Variants in DIAPH3 observed in about 807,000 individuals in gnomAD.
The protein encoded by DIAPH3 is diaphanous related formin 3, also known as protein diaphanous homolog 3.
Under a neutral mutation model 144.3 loss-of-function variants are expected in DIAPH3, and 117 were observed. The observed-to-expected ratio is 0.81, with a 90% CI of 0.70 to 0.95. DIAPH3 has a LOEUF of 0.95. Among genes scored for constraint, DIAPH3 ranks in the 40% least tolerant of loss-of-function variants. The probability of loss-of-function intolerance (pLI) is 0.00; values close to 1 mark genes in which losing one functional copy is unlikely to be tolerated. For missense variants in DIAPH3, 1,421 were observed against 1,412.7 expected (o/e 1.01, Z -0.09); for synonymous variants, 519 against 488.9 (o/e 1.06, Z -0.81).
At chr13:59,942,860 G>A (rs997553165) in intron 17 of DIAPH3, among the ~76,000 whole-genome samples, 2 of 152,058 alleles carry the variant, frequency 1.3e-5, no homozygotes, top group Admixed American at 1.3e-4. Flanking sequence ...CATATGTCTA[G>A]ATCAACAACA....
At chr13:59,856,698 T>A (rs936851149) in intron 22 of DIAPH3, among the ~76,000 whole-genome samples, 2 of 152,188 alleles carry the variant, frequency 1.3e-5, no homozygotes, top group Non-Finnish European at 2.9e-5. Context: ...AGTTCTGACA[T>A]ACTGAGGTTT....
intron 14 of DIAPH3, among the ~76,000 whole-genome samples, chr13:59,980,188 T>C (rs970427283): frequency 2.6e-5 from 4 of 151,670 alleles, no homozygotes; most frequent in Non-Finnish European, 5.9e-5. Flanking sequence ...AAACTGGTTT[T>C]GTTTGTGTAA....
chr13:60,127,010 A>T (rs2059009871), intron 2 of DIAPH3, among the ~76,000 whole-genome samples: 1 of 152,066 alleles, frequency 6.6e-6, no homozygotes, highest in Admixed American at 6.5e-5. Context: ...TAAAGGTAAA[A>T]CAAACAAAAA....
chr13:59,714,455 A>C (rs1415750536), intron 27 of DIAPH3, among the ~76,000 whole-genome samples: 1 of 151,944 alleles, frequency 6.6e-6, no homozygotes, highest in East Asian at 1.9e-4. Context: ...GGATTGTATG[A>C]GCTCAGGAGT....
At chr13:59,782,505 G>C (rs1455591648) in intron 25 of DIAPH3, among the ~76,000 whole-genome samples, 3 of 152,094 alleles carry the variant, frequency 2.0e-5, no homozygotes, top group Non-Finnish European at 2.9e-5. Flanking sequence ...ATCATGCTAT[G>C]AGCCTATTAT....
Position 59,916,247 on chromosome 13 carries a change from T to C in DIAPH3, c.2173A>G (p.Ile725Val), listed in dbSNP as rs2047214517. The C allele has an allele frequency of 2.5e-6, 4 of 1,612,224 alleles. No homozygotes were observed. Among genetic ancestry groups the C allele is most frequent in the African/African-American group, 2.7e-5 (2 of 74,858 alleles). ...LDSKIAQNLS[I>V]FLSSFRVPYE... is the part of the protein sequence containing the mutation. ...GGCACCCGAAAAGAGCTCAGGAAGA[T>C]TGCTAAGAAGGAGAAAGAGAGAAAG... Residue 725 changes from isoleucine to valine, a missense_variant and splice_region_variant, in exon 19 of 28, where the codon ATC becomes GTC. By Grantham distance (29) the Ile-to-Val change is conservative. Coordinates refer to ENST00000400324, the MANE Select transcript of DIAPH3 (RefSeq NM_001042517.2).
chr13:59,775,997 G>A (rs1045741739), intron 25 of DIAPH3, among the ~76,000 whole-genome samples: 3 of 152,262 alleles, frequency 2.0e-5, no homozygotes, highest in South Asian at 2.1e-4. Flanking sequence ...CAAGAAAACC[G>A]TAAGGACTTT....
At chr13:60,156,941 T>TATATATATATATATATATATATATATATA (rs1566834028) in intron 1 of DIAPH3, among the ~76,000 whole-genome samples, 1 of 27,404 alleles carries the variant, frequency 3.6e-5, no homozygotes, top group Non-Finnish European at 8.0e-5. Context: ...ATATATATAT[T>TATATATATATATATATATATATATATATA]TTTTTTTTTT....
At position 59,757,681 on chromosome 13, in the gene DIAPH3, T is replaced by G. The variant is rs1032106863; in HGVS notation, c.3319+16508A>C. On this transcript the variant is annotated intron_variant, in intron 27 of 27. Transcript: ENST00000400324. ...TCCCAAAGTGCTGGGATTACAGGCG[T>G]GAGCCACCGCGCCCGGCCTATTATG... 2.0e-5 allele frequency among the ~76,000 whole-genome samples: 3 copies of G among 152,068 alleles called. No homozygotes were observed. In the South Asian group the frequency reaches 6.2e-4, roughly 31 times the overall value.
intron 27 of DIAPH3, among the ~76,000 whole-genome samples, chr13:59,685,228 TCTA>T (rs2033154671): frequency 6.6e-6 from 1 of 152,136 alleles, no homozygotes; most frequent in African/African-American, 2.4e-5. Context: ...CTGACTTCCT[TCTA>T]CTCTTACCTT....
rs1367427404 is a variant in DIAPH3, at chr13:59,825,930, C to A, written c.3027+7177G>T. Among the ~76,000 whole-genome samples, 80 of 152,160 alleles carry A rather than the reference C, an allele frequency of 5.3e-4. No homozygotes were observed. In the East Asian group the frequency reaches 0.013, roughly 25 times the overall value. The stretch of plus-strand genomic sequence containing the variant: ...ATATAAACAAAACCAAAGACAAAAA[C>A]CACATGATTATCTCAATAGATGCAG... On this transcript the variant is annotated intron_variant, in intron 24 of 27. Transcript: ENST00000400324.
intron 2 of DIAPH3, among the ~76,000 whole-genome samples, chr13:60,113,921 T>G (rs1002124226): frequency 2.0e-5 from 3 of 152,180 alleles, no homozygotes; most frequent in Non-Finnish European, 4.4e-5. Context: ...ACCAACTGAA[T>G]GCGGTAGTAA....
chr13:59,905,378 T>G (rs1475803925), intron 20 of DIAPH3, among the ~76,000 whole-genome samples: 3 of 142,172 alleles, frequency 2.1e-5, no homozygotes, highest in Non-Finnish European at 4.6e-5. Flanking sequence ...AAAGTGTAAG[T>G]TCACATGCCT....
At chr13:59,908,430 T>C (rs965402540) in intron 20 of DIAPH3, among the ~76,000 whole-genome samples, 1 of 149,168 alleles carries the variant, frequency 6.7e-6, no homozygotes, top group South Asian at 2.1e-4. Flanking sequence ...ATTTCTGATA[T>C]ATGCTAATTG....
chr13:59,943,085 G>A (rs1167375876), intron 17 of DIAPH3, among the ~76,000 whole-genome samples: 1 of 152,076 alleles, frequency 6.6e-6, no homozygotes, highest in Non-Finnish European at 1.5e-5. Flanking sequence ...TCTCTTATGA[G>A]AAAAGACATA....
At chr13:59,877,924 AATTCCC>A (rs2044736814) in intron 21 of DIAPH3, among the ~76,000 whole-genome samples, 1 of 152,038 alleles carries the variant, frequency 6.6e-6, no homozygotes, top group Middle Eastern at 3.2e-3. Context: ...ATCCAGCTTA[AATTCCC>A]ATTTCTCTCT....
rs182909923 is a variant in DIAPH3, at chr13:60,074,650, G to A, written c.495+18978C>T. On this transcript the variant is annotated intron_variant, in intron 4 of 27. Coordinates refer to ENST00000400324, the MANE Select transcript of DIAPH3 (RefSeq NM_001042517.2). The stretch of plus-strand genomic sequence containing the variant: ...ATAATCACTGCAAATGCTTTTACAA[G>A]TTTGGTTAGAATCCATCAAGGGTTT... 3.3e-3 allele frequency among the ~76,000 whole-genome samples: 502 copies of A among 152,236 alleles called. 2 individuals carry two copies. Among genetic ancestry groups the A allele is most frequent in the African/African-American group, 0.011 (462 of 41,538 alleles).
intron 17 of DIAPH3, among the ~76,000 whole-genome samples, chr13:59,942,183 A>G (rs924525451): frequency 2.6e-5 from 4 of 152,188 alleles, no homozygotes; most frequent in Admixed American, 2.6e-4. Flanking sequence ...CCTTTTGATC[A>G]CAGGCACCAT....
intron 20 of DIAPH3, among the ~76,000 whole-genome samples, chr13:59,894,571 T>G: frequency 1.2e-5 from 1 of 85,364 alleles, no homozygotes; most frequent in Non-Finnish European, 2.1e-5. Flanking sequence ...AAGTCTCCCC[T>G]GCCCCCCCAC....
Sources: gnomAD v4.1 joint callset for allele counts (sites outside exome capture counted in the v4.1 genomes callset) on GRCh38, gnomAD v4.1.1 for gene constraint, MANE v1.5 for transcripts, NCBI Gene and HGNC (gene_info 2026-07-23, HGNC 2026-07-21) for gene names.